Variants in FARS2 observed in about 807,000 individuals in gnomAD.
FARS2 encodes phenylalanyl-tRNA synthetase 2, mitochondrial, also known as phenylalanine--tRNA ligase, mitochondrial.
FARS2 carries 40 observed loss-of-function variants against 46.4 expected under a neutral mutation model. The observed-to-expected ratio is 0.86, with a 90% CI of 0.67 to 1.12. The LOEUF (loss-of-function observed/expected upper bound fraction) is 1.12. FARS2 is among the 50% of genes most tolerant of loss of function. FARS2 has a pLI of 0.00. For synonymous variants in FARS2, 234 were observed against 214.9 expected (o/e 1.09, Z -0.78); for missense variants, 513 against 567.9 (o/e 0.90, Z 0.98).
At chr6:5,392,668 C>T (rs1183061063) in intron 2 of FARS2, among the ~76,000 whole-genome samples, 1 of 151,352 alleles carries the variant, frequency 6.6e-6, no homozygotes, top group Non-Finnish European at 1.5e-5. Flanking sequence ...CCACATTGGA[C>T]TGAAGCTTAA....
chr6:5,254,483 TA>T, the FARS2 span, among the ~76,000 whole-genome samples: 1 of 152,218 alleles, frequency 6.6e-6, no homozygotes, highest in South Asian at 2.1e-4. Flanking sequence ...ATCCTAGTTA[TA>T]ATAATTTAAA....
At chr6:5,533,898 A>C (rs913955448) in intron 4 of FARS2, among the ~76,000 whole-genome samples, 1 of 152,252 alleles carries the variant, frequency 6.6e-6, no homozygotes, top group Non-Finnish European at 1.5e-5. Context: ...AGCAGTTGGC[A>C]GATACCTTTT....
intron 5 of FARS2, among the ~76,000 whole-genome samples, chr6:5,577,277 A>G (rs990563873): frequency 2.0e-5 from 3 of 152,214 alleles, no homozygotes; most frequent in East Asian, 1.9e-4. Flanking sequence ...AGAAGCAATA[A>G]TAAACCCTGA....
At chr6:5,435,751 G>A (rs1414763830) in intron 4 of FARS2, among the ~76,000 whole-genome samples, 1 of 152,198 alleles carries the variant, frequency 6.6e-6, no homozygotes, top group East Asian at 1.9e-4. Flanking sequence ...CCGTGATCAT[G>A]CCAGGAAGGA....
chr6:5,279,861 T>C (rs1307359534), intron 1 of FARS2, among the ~76,000 whole-genome samples: 1 of 152,154 alleles, frequency 6.6e-6, no homozygotes, highest in African/African-American at 2.4e-5. Context: ...GAGAGGGCAA[T>C]CCGTTATACT....
intron 5 of FARS2, among the ~76,000 whole-genome samples, chr6:5,586,080 A>G (rs146672567): frequency 2.0e-4 from 30 of 152,232 alleles, no homozygotes; most frequent in African/African-American, 7.0e-4. Context: ...GTATCCTGCA[A>G]CTATACTGAA....
rs144185703 is a variant in FARS2, at chr6:5,442,079, G to A, written c.904+10907G>A. ...CCGCCACTCCACTCCAGCCTGGGTGGTAGAGTGAGACCCTCTCTCAAAAAT... is the reference window on the plus strand; with the variant it reads ...CCGCCACTCCACTCCAGCCTGGGTGATAGAGTGAGACCCTCTCTCAAAAAT... On this transcript the variant is annotated intron_variant, in intron 4 of 6. Transcript: ENST00000274680. Among the ~76,000 whole-genome samples the A allele has an allele frequency of 5.3e-3, 800 of 152,176 alleles. 4 individuals are homozygous for A. The highest frequency in any genetic ancestry group is 0.018 in the African/African-American group (749 of 41,504).
At position 5,269,860 on chromosome 6, in the gene FARS2, GTAT is replaced by G. The variant is rs556424369; in HGVS notation, c.-22+8204_-22+8206del. ...ATACAGAGAATTCATGATTTCTTTG[GTAT>G]TATAGTGAATTACATGATTTAATAT... On this transcript the variant is annotated intron_variant, in intron 1 of 6. Transcript: ENST00000274680. Among the ~76,000 whole-genome samples, 88 of 152,242 alleles carry G rather than the reference GTAT, an allele frequency of 5.8e-4. 2 individuals carry two copies. The South Asian group carries it at 0.018, about 31-fold the overall frequency.
chr6:5,746,555 C>T (rs188029534), intron 6 of FARS2, among the ~76,000 whole-genome samples: 11 of 150,438 alleles, frequency 7.3e-5, no homozygotes, highest in East Asian at 2.0e-4. Context: ...CTCCTTGGGC[C>T]GAGGGCTTCA....
intron 6 of FARS2, among the ~76,000 whole-genome samples, chr6:5,647,665 A>G (rs1777145481): frequency 6.6e-6 from 1 of 152,262 alleles, no homozygotes; most frequent in South Asian, 2.1e-4. Context: ...TATGTCAAGC[A>G]CCACACCTTG....
chr6:5,391,408 G>T (rs890121924), intron 2 of FARS2, among the ~76,000 whole-genome samples: 17 of 152,136 alleles, frequency 1.1e-4, no homozygotes, highest in Non-Finnish European at 1.6e-4. Context: ...AGGTAGCAAA[G>T]GTACTAAACG....
chr6:5,582,925 G>A (rs185593896), intron 5 of FARS2, among the ~76,000 whole-genome samples: 158 of 152,272 alleles, frequency 1.0e-3, no homozygotes, highest in African/African-American at 3.6e-3. Flanking sequence ...CAGGCCTGCA[G>A]GGTGAGCTGT....
chr6:5,660,942 A>G (rs1777826231), intron 6 of FARS2, among the ~76,000 whole-genome samples: 1 of 152,228 alleles, frequency 6.6e-6, no homozygotes, highest in African/African-American at 2.4e-5. Context: ...GTTTTAAGCA[A>G]GGAATGTCAC....
chr6:5,417,936 G>A (rs775408285), intron 3 of FARS2, among the ~76,000 whole-genome samples: 5 of 150,922 alleles, frequency 3.3e-5, no homozygotes, highest in Non-Finnish European at 5.9e-5. Context: ...CTTCTATATT[G>A]CATTTTGGAT....
At chr6:5,700,445 C>T (rs1402721563) in intron 6 of FARS2, among the ~76,000 whole-genome samples, 1 of 151,532 alleles carries the variant, frequency 6.6e-6, no homozygotes, top group Non-Finnish European at 1.5e-5. Flanking sequence ...CTTGCGCTGT[C>T]ACCCAGGCTG....
At chr6:5,748,952 C>G (rs1284378785) in intron 6 of FARS2, among the ~76,000 whole-genome samples, 1 of 152,182 alleles carries the variant, frequency 6.6e-6, no homozygotes, top group African/African-American at 2.4e-5. Flanking sequence ...AGGAATCAGG[C>G]GAAGATCAAA....
intron 1 of FARS2, among the ~76,000 whole-genome samples, chr6:5,340,661 G>A (rs1210754479): frequency 1.3e-5 from 2 of 152,134 alleles, no homozygotes; most frequent in African/African-American, 2.4e-5. Flanking sequence ...GATGGAAGTA[G>A]GTCTCAGGAA....
At chr6:5,504,563 G>A (rs1202098415) in intron 4 of FARS2, among the ~76,000 whole-genome samples, 2 of 151,704 alleles carry the variant, frequency 1.3e-5, no homozygotes, top group Admixed American at 1.3e-4. Context: ...AACATCCATT[G>A]AAGACGTCAA....
intron 1 of FARS2, among the ~76,000 whole-genome samples, chr6:5,367,353 G>T (rs562184159): frequency 1.3e-5 from 2 of 152,240 alleles, no homozygotes; most frequent in East Asian, 3.9e-4. Flanking sequence ...TTAGAAGATG[G>T]ATTTTTATAA....
Sources: allele counts gnomAD v4.1 joint callset (sites outside exome capture counted in the v4.1 genomes callset), GRCh38; gene constraint gnomAD v4.1.1; transcripts MANE v1.5; gene names NCBI Gene and HGNC (gene_info 2026-07-23, HGNC 2026-07-21).